Variants in PKP4 observed in about 807,000 individuals in gnomAD.
The protein encoded by PKP4 is plakophilin-4.
A neutral mutation model predicts 145.1 loss-of-function variants in PKP4; 90 were observed. The observed-to-expected ratio is 0.62, with a 90% confidence interval of 0.52 to 0.74. The LOEUF is 0.74. Among genes scored for constraint, PKP4 ranks in the 30% least tolerant of loss-of-function variants. The pLI is 0.00. For missense variants in PKP4, 1,340 were observed against 1,482.7 expected (o/e 0.90, Z 1.58); for synonymous variants, 563 against 577.2 (o/e 0.98, Z 0.35).
Position 158,554,097 on chromosome 2 carries a change from G to A in PKP4, c.132+20781G>A, listed in dbSNP as rs982961769. On this transcript the variant is annotated intron_variant, in intron 2 of 21. Transcript: ENST00000389759. ...GGGGTCAGCATTCTCCTTGCCCCCC[G>A]GTTGTTGCCTGCCTTTACACGTCCC... Among the ~76,000 whole-genome samples the A allele has an allele frequency of 2.7e-5, 4 of 150,342 alleles. No homozygotes were observed. The Middle Eastern group carries it at 0.01, about 389-fold the overall frequency.
intron 14 of PKP4, 91 bp from the exon 15 acceptor site, chr2:158,663,181 C>T: frequency 1.3e-6 from 2 of 1,513,482 alleles, no homozygotes; most frequent in African/African-American, 2.8e-5. Context: ...TTCTGCATAG[C>T]TATAGCTGAG....
At chr2:158,520,905 T>G (rs186731325) in intron 1 of PKP4, among the ~76,000 whole-genome samples, 1 of 152,360 alleles carries the variant, frequency 6.6e-6, no homozygotes, top group African/African-American at 2.4e-5. Flanking sequence ...CCTTGTTTTA[T>G]AGAGCTTTGG....
chr2:158,667,227 T>G (rs1385936876), intron 16 of PKP4, among the ~76,000 whole-genome samples: 1 of 152,182 alleles, frequency 6.6e-6, no homozygotes, highest in African/African-American at 2.4e-5. Context: ...CTAGGCAGGA[T>G]GCGGGCTAAA....
chr2:158,681,244 C>T lies in PKP4; in HGVS notation c.*567C>T, dbSNP rs1274904630. 1 of 153,412 alleles carries T rather than the reference C, an allele frequency of 6.5e-6. No individual in the cohort carries two copies. Among genetic ancestry groups the T allele is most frequent in the Non-Finnish European group, 1.5e-5 (1 of 68,672 alleles). 9.5% of individuals were successfully genotyped at this position (153,412 alleles called of 1,614,324 possible). A position where few individuals can be genotyped will look rare whatever the true frequency, so the allele number is the denominator to read the frequency against. On this transcript the variant is annotated 3_prime_UTR_variant, in exon 22 of 22. Coordinates refer to ENST00000389759, the MANE Select transcript of PKP4 (RefSeq NM_003628.6). Reference sequence around the variant, plus strand: ...AAAAACAAATGAGAAGCCCAAGGAACTGTGAGCAATTAAAAGCAAACCGCG... The same window carrying T: ...AAAAACAAATGAGAAGCCCAAGGAATTGTGAGCAATTAAAAGCAAACCGCG...
chr2:158,668,415 C>T (rs1322808146), intron 16 of PKP4, among the ~76,000 whole-genome samples: 14 of 152,288 alleles, frequency 9.2e-5, no homozygotes, highest in Non-Finnish European at 1.5e-5. Flanking sequence ...CACAAAGAAG[C>T]AAAGTTTTAT....
At chr2:158,559,653 G>A (rs1010938342) in intron 2 of PKP4, among the ~76,000 whole-genome samples, 2 of 152,176 alleles carry the variant, frequency 1.3e-5, no homozygotes, top group African/African-American at 2.4e-5. Context: ...GTATTAACTG[G>A]AGGTAGGGAA....
chr2:158,607,008 G>T (rs181297059), intron 4 of PKP4, among the ~76,000 whole-genome samples: 22 of 152,234 alleles, frequency 1.4e-4, no homozygotes, highest in African/African-American at 5.3e-4. Context: ...AAATAACAGT[G>T]TGGTAACCAT....
chr2:158,517,123 T>C (rs377306147), intron 1 of PKP4, among the ~76,000 whole-genome samples: 18 of 152,364 alleles, frequency 1.2e-4, no homozygotes, highest in Admixed American at 2.6e-4. Flanking sequence ...CTTTAATCTT[T>C]GTTAACACTA....
chr2:158,669,638 T>C, intron 16 of PKP4, 82 bp from the exon 17 acceptor site: 1 of 1,134,296 alleles, frequency 8.8e-7, no homozygotes, highest in Non-Finnish European at 1.2e-6. Flanking sequence ...TTTTAAGAGA[T>C]TGCATGCCAC....
At chr2:158,495,960 A>T (rs560063743) in intron 1 of PKP4, among the ~76,000 whole-genome samples, 1 of 151,900 alleles carries the variant, frequency 6.6e-6, no homozygotes, top group African/African-American at 2.4e-5. Flanking sequence ...TCTTTTTTGT[A>T]TACATTTTTA....
intron 2 of PKP4, among the ~76,000 whole-genome samples, chr2:158,542,020 A>T (rs1439429753): frequency 6.6e-6 from 1 of 152,180 alleles, no homozygotes; most frequent in East Asian, 1.9e-4. Flanking sequence ...CACAAAGTTG[A>T]CATGAGCCAT....
chr2:158,498,140 A>G (rs1398737231), intron 1 of PKP4, among the ~76,000 whole-genome samples: 1 of 152,140 alleles, frequency 6.6e-6, no homozygotes, highest in East Asian at 1.9e-4. Context: ...CTTTTGACAC[A>G]TTTTTATTTT....
intron 1 of PKP4, among the ~76,000 whole-genome samples, chr2:158,506,411 G>A (rs928500157): frequency 6.6e-6 from 1 of 152,168 alleles, no homozygotes; most frequent in Non-Finnish European, 1.5e-5. Context: ...TCAGTTAGAC[G>A]ATCACCAAGG....
chr2:158,627,421 A>G lies in PKP4; in HGVS notation c.1153+1994A>G, dbSNP rs150490193. Among the ~76,000 whole-genome samples, 1,277 of 152,212 alleles carry G rather than the reference A, an allele frequency of 8.4e-3. 17 individuals carry two copies. Among genetic ancestry groups the G allele is most frequent in the African/African-American group, 0.028 (1,170 of 41,518 alleles). On this transcript the variant is annotated intron_variant, in intron 7 of 21. Transcript: ENST00000389759. The stretch of plus-strand genomic sequence containing the variant: ...GTTTAAACAGTCTGTTTCTCTGACA[A>G]TGCAGGTAAAATTAGACTTTATGTC...
chr2:158,489,175 A>G (rs964543233), intron 1 of PKP4, among the ~76,000 whole-genome samples: 1 of 152,186 alleles, frequency 6.6e-6, no homozygotes, highest in Non-Finnish European at 1.5e-5. Context: ...TCCTTCAGAA[A>G]TCATTATTGT....
chr2:158,657,847 C>T (rs2056141691), intron 11 of PKP4, among the ~76,000 whole-genome samples: 1 of 152,140 alleles, frequency 6.6e-6, no homozygotes, highest in African/African-American at 2.4e-5. Flanking sequence ...AACTAATTTG[C>T]TTTGCAAAAT....
chr2:158,664,618 G>A (rs1051515617), intron 15 of PKP4, among the ~76,000 whole-genome samples: 2 of 152,188 alleles, frequency 1.3e-5, no homozygotes, highest in Non-Finnish European at 2.9e-5. Context: ...TTTCGTGCAC[G>A]TGGCCACTAT....
chr2:158,595,321 T>C (rs1018630054), intron 3 of PKP4, among the ~76,000 whole-genome samples: 1 of 152,180 alleles, frequency 6.6e-6, no homozygotes, highest in Non-Finnish European at 1.5e-5. Flanking sequence ...ACCATGCTTA[T>C]TGTAAATATA....
intron 13 of PKP4, 195 bp downstream of exon 13, chr2:158,661,645 G>A (rs558993717): frequency 4.0e-5 from 19 of 473,922 alleles, no homozygotes; most frequent in African/African-American, 1.4e-4. Context: ...CCTGAGAACC[G>A]TGAGAACAGA....
Sources: allele counts gnomAD v4.1 joint callset (sites outside exome capture counted in the v4.1 genomes callset), GRCh38; gene constraint gnomAD v4.1.1; transcripts MANE v1.5; gene names NCBI Gene and HGNC (gene_info 2026-07-23, HGNC 2026-07-21).